ZNF488: variants seen among roughly 807,000 people sequenced by gnomAD.
The protein encoded by ZNF488 is zinc finger protein 488.
A neutral mutation model predicts 1.2 loss-of-function variants in ZNF488; 1 was observed. The ratio of observed to expected loss-of-function variants is 0.86; its 90% CI spans 0.30 to 4.07. ZNF488 has a LOEUF of 4.07. Among genes scored for constraint, ZNF488 ranks in the 30% most tolerant of loss-of-function variants. The pLI is 0.18. For missense variants in ZNF488, 450 were observed against 437.9 expected (o/e 1.03, Z -0.25); for synonymous variants, 185 against 190.1 (o/e 0.97, Z 0.22).
At chr10:47,377,408 C>T (rs1837717039) in intron 1 of ZNF488, among the ~76,000 whole-genome samples, 1 of 152,110 alleles carries the variant, frequency 6.6e-6, no homozygotes, top group Admixed American at 6.6e-5. Flanking sequence ...CTAATTAATT[C>T]CTTCTTCACA....
chr10:47,373,313 G>C (rs971480835), intron 1 of ZNF488, among the ~76,000 whole-genome samples: 2 of 152,198 alleles, frequency 1.3e-5, no homozygotes, highest in Non-Finnish European at 2.9e-5. Context: ...GCACGGCACT[G>C]TATTTTCTTC....
intron 1 of ZNF488, among the ~76,000 whole-genome samples, chr10:47,378,675 T>C (rs1837788066): frequency 6.6e-6 from 1 of 152,196 alleles, no homozygotes; most frequent in Admixed American, 6.5e-5. Flanking sequence ...AACCCTCTCA[T>C]GGAGTGAAAG....
rs1588872265 is a variant in ZNF488, at chr10:47,367,460, T to C, written c.*347A>G. 2 of 291,214 alleles carry C rather than the reference T, an allele frequency of 6.9e-6. No homozygotes were observed. The highest frequency in any genetic ancestry group is 8.5e-5 in the South Asian group (1 of 11,776). The allele number at this position is 291,214 out of a possible 1,614,324, so 18.0% of individuals were successfully genotyped here. On this transcript the variant is annotated 3_prime_UTR_variant, in exon 2 of 2. Coordinates refer to ENST00000585316, the MANE Select transcript of ZNF488 (RefSeq NM_153034.4). ...AAATGGGGACTCAGCAGGTTAAAGC[T>C]CTTTGTCCAGGGTCACAGCTAGTAT...
rs74129893 is a variant in ZNF488, at chr10:47,379,465, G to A, written c.-109+4755C>T. Among the ~76,000 whole-genome samples, 1,048 of 145,188 alleles carry A rather than the reference G, an allele frequency of 7.2e-3. 10 individuals carry two copies. The highest frequency in any genetic ancestry group is 0.026 in the African/African-American group (940 of 36,326). ...GAAGGAGCAGGAGGATGGAGAAAATGAGGAGATGAAACTAGGAACTAGCTG... is the reference window on the plus strand; with the variant it reads ...GAAGGAGCAGGAGGATGGAGAAAATAAGGAGATGAAACTAGGAACTAGCTG... On this transcript the variant is annotated intron_variant, in intron 1 of 1. Transcript: ENST00000585316.
intron 1 of ZNF488, among the ~76,000 whole-genome samples, chr10:47,379,757 C>A (rs116296373): frequency 8.0e-6 from 1 of 124,942 alleles, no homozygotes; most frequent in Non-Finnish European, 1.7e-5. Context: ...TTCCCAGGGC[C>A]AACATCAGAT....
intron 1 of ZNF488, among the ~76,000 whole-genome samples, chr10:47,377,877 TG>T (rs1214312498): frequency 2.6e-5 from 4 of 152,254 alleles, no homozygotes; most frequent in Admixed American, 2.6e-4. Context: ...CCTTCCTTGC[TG>T]GTTGCCATAC....
intron 1 of ZNF488, among the ~76,000 whole-genome samples, chr10:47,374,248 A>G (rs10508898): frequency 0.032 from 4,874 of 152,292 alleles, 261 homozygotes; most frequent in African/African-American, 0.1. Context: ...TTTGTGATCA[A>G]TCTGGTTTTT....
At position 47,367,969 on chromosome 10, in the gene ZNF488, C is replaced by A; in HGVS notation, c.861G>T (p.Thr287=). Residue 287 remains threonine (T), a synonymous_variant, in exon 2 of 2, where the codon ACG becomes ACT. Coordinates refer to ENST00000585316, the MANE Select transcript of ZNF488 (RefSeq NM_153034.4). Reference sequence around the variant, plus strand: ...ATCGCATGTGAAAGACCAGGTCGGACGTTAGGCGAAAGGACAGGTTGCACT... The same window carrying A: ...ATCGCATGTGAAAGACCAGGTCGGAAGTTAGGCGAAAGGACAGGTTGCACT... ...CAKCNLSFRL[T]SDLVFHMRSH... is the part of the protein sequence containing the mutation. 6.2e-7 allele frequency: 1 copy of A among 1,614,046 alleles called. No homozygotes were observed. The highest frequency in any genetic ancestry group is 8.5e-7 in the Non-Finnish European group (1 of 1,180,026).
intron 1 of ZNF488, among the ~76,000 whole-genome samples, chr10:47,370,317 T>C (rs1356680772): frequency 6.6e-6 from 1 of 152,236 alleles, no homozygotes. Flanking sequence ...AATCAAACTA[T>C]GAAGCTCCAC....
Position 47,367,632 on chromosome 10 carries a change from CA to C in ZNF488, c.*174del, listed in dbSNP as rs1174440200. Reference sequence around the variant, plus strand: ...CTTTATTTCAGGACTTCATTTCCTTCAAAACACATCATGCAGGTGTGGCTTT... The same window carrying C: ...CTTTATTTCAGGACTTCATTTCCTTCAAACACATCATGCAGGTGTGGCTTT... On this transcript the variant is annotated 3_prime_UTR_variant, in exon 2 of 2. Transcript: ENST00000585316. 1.3e-6 allele frequency: 1 copy of C among 744,576 alleles called. No homozygotes were observed. Among genetic ancestry groups the C allele is most frequent in the Non-Finnish European group, 2.2e-6 (1 of 458,874 alleles). 46.1% of individuals were successfully genotyped at this position (744,576 alleles called of 1,614,324 possible).
intron 1 of ZNF488, 66 bp from the exon 2 acceptor site, chr10:47,369,003 G>T: frequency 1.4e-6 from 1 of 727,510 alleles, no homozygotes; most frequent in East Asian, 2.8e-5. Context: ...TGCATCATGA[G>T]CTGGCATCAG....
intron 1 of ZNF488, among the ~76,000 whole-genome samples, chr10:47,380,634 G>T (rs1250454632): frequency 6.6e-6 from 1 of 152,294 alleles, no homozygotes; most frequent in African/African-American, 2.4e-5. Context: ...ACTGCACACT[G>T]ATCATTCACT....
chr10:47,368,023 C>T lies in ZNF488; in HGVS notation c.807G>A (p.Leu269=). The T allele has an allele frequency of 6.2e-7, 1 of 1,614,084 alleles. No homozygotes were observed. Residue 269 remains leucine (L), a synonymous_variant, in exon 2 of 2, where the codon CTG becomes CTA. Transcript: ENST00000585316. ...CACACCAGTTCTGGGTGGACAAGCC[C>T]AGGGAGGTGAGGGTGGGTGGCAGGA... ...WALLPPTLTS[L]GLSTQNWCAK...
chr10:47,370,890 C>A (rs1389528890), intron 1 of ZNF488, among the ~76,000 whole-genome samples: 3 of 152,198 alleles, frequency 2.0e-5, no homozygotes, highest in Non-Finnish European at 4.4e-5. Flanking sequence ...GTCATTTGTT[C>A]ATTGATTCCC....
chr10:47,376,086 G>A (rs1837669619), intron 1 of ZNF488, among the ~76,000 whole-genome samples: 1 of 152,170 alleles, frequency 6.6e-6, no homozygotes, highest in African/African-American at 2.4e-5. Context: ...GAATAGCATG[G>A]AAGTATTGCT....
At chr10:47,378,640 C>T (rs1837787109) in intron 1 of ZNF488, among the ~76,000 whole-genome samples, 1 of 152,202 alleles carries the variant, frequency 6.6e-6, no homozygotes, top group African/African-American at 2.4e-5. Flanking sequence ...TGCAGGAGCT[C>T]TCAAGGAGAT....
At chr10:47,370,285 T>A (rs1837415644) in intron 1 of ZNF488, among the ~76,000 whole-genome samples, 1 of 152,234 alleles carries the variant, frequency 6.6e-6, no homozygotes, top group Non-Finnish European at 1.5e-5. Context: ...AGGGTATGCT[T>A]TGCTTTCCAA....
At chr10:47,380,411 A>T (rs1484144165) in intron 1 of ZNF488, among the ~76,000 whole-genome samples, 3 of 152,286 alleles carry the variant, frequency 2.0e-5, no homozygotes, top group Non-Finnish European at 4.4e-5. Context: ...ACTTTCTGAA[A>T]CTGAGCTCCC....
intron 1 of ZNF488, 59 bp from the exon 2 acceptor site, chr10:47,368,996 A>C (rs1837359212): frequency 2.6e-6 from 2 of 764,562 alleles, no homozygotes; most frequent in Non-Finnish European, 4.1e-6. Context: ...GGCACAGTGC[A>C]TCATGAGCTG....
Sources: gnomAD v4.1 joint callset for allele counts (sites outside exome capture counted in the v4.1 genomes callset) on GRCh38, gnomAD v4.1.1 for gene constraint, MANE v1.5 for transcripts, NCBI Gene and HGNC (gene_info 2026-07-23, HGNC 2026-07-21) for gene names.